Variants in RSPO1 observed in about 807,000 individuals in gnomAD.
RSPO1 encodes the protein R-spondin-1.
RSPO1 carries 18 observed loss-of-function variants against 26.0 expected under a neutral mutation model. The ratio of observed to expected loss-of-function variants is 0.69; its 90% CI spans 0.48 to 1.03. The LOEUF (loss-of-function observed/expected upper bound fraction) is 1.03, where lower values mean the gene tolerates loss of function less well. RSPO1 is among the 50% of genes least tolerant of loss of function. The pLI, the probability that RSPO1 is intolerant of heterozygous loss-of-function variation, is 0.00. For missense variants in RSPO1, 309 were observed against 352.3 expected, an observed-to-expected ratio of 0.88 and a Z score of 0.98; for synonymous variants, 133 against 137.4, an observed-to-expected ratio of 0.97 and a Z score of 0.22.
At chr1:37,633,740 G>A (rs903910016) in intron 1 of RSPO1, among the ~76,000 whole-genome samples, 2 of 152,146 alleles carry the variant, frequency 1.3e-5, no homozygotes, top group Non-Finnish European at 2.9e-5. Context: ...CAGGTGCTGG[G>A]GCCGTGCCCC....
intron 3 of RSPO1, among the ~76,000 whole-genome samples, chr1:37,621,948 C>T (rs1570110021): frequency 6.6e-6 from 1 of 152,008 alleles, no homozygotes. Flanking sequence ...ACTACGGTCA[C>T]ATGCCACCGT....
intron 3 of RSPO1, 47 bp from the exon 4 acceptor site, chr1:37,616,722 C>T (rs1644119035): frequency 6.6e-7 from 1 of 1,512,578 alleles, no homozygotes; most frequent in Non-Finnish European, 9.2e-7. Flanking sequence ...GAGAGAACCT[C>T]ACCTATCCAG....
chr1:37,621,054 G>C (rs554666117), intron 3 of RSPO1, among the ~76,000 whole-genome samples: 2 of 152,252 alleles, frequency 1.3e-5, no homozygotes, highest in African/African-American at 4.8e-5. Context: ...CAGATCTGCT[G>C]CCCACCTTCC....
chr1:37,633,472 G>C (rs1262861643), intron 1 of RSPO1, among the ~76,000 whole-genome samples: 1 of 152,196 alleles, frequency 6.6e-6, no homozygotes, highest in Non-Finnish European at 1.5e-5. Flanking sequence ...CCCCGGGAGG[G>C]GGCTGGAATC....
chr1:37,625,400 G>T (rs1035658555), intron 3 of RSPO1, among the ~76,000 whole-genome samples: 3 of 152,192 alleles, frequency 2.0e-5, no homozygotes, highest in African/African-American at 7.2e-5. Context: ...TAGGGACAGT[G>T]GTGGGTGGAG....
intron 3 of RSPO1, among the ~76,000 whole-genome samples, chr1:37,621,942 C>T (rs549470672): frequency 3.3e-5 from 5 of 152,036 alleles, no homozygotes; most frequent in South Asian, 2.1e-4. Context: ...GCTACAACTA[C>T]GGTCACATGC....
intron 2 of RSPO1, among the ~76,000 whole-genome samples, chr1:37,630,731 A>G (rs1384347699): frequency 6.6e-6 from 1 of 152,160 alleles, no homozygotes; most frequent in African/African-American, 2.4e-5. Context: ...CCAACCTGGG[A>G]GTGAGAATGA....
In RSPO1 at chr1:37,612,727, G is replaced by C. The variant is rs1337769119; in HGVS notation, c.*28C>G. 1 of 1,605,632 alleles carries C rather than the reference G, an allele frequency of 6.2e-7. No homozygotes were observed. Among genetic ancestry groups the C allele is most frequent in the East Asian group, 2.2e-5 (1 of 44,870 alleles). ...CGCAGAGTAGCACTGAACTCTTTCTGCATGGGCCTGGAGGCTGGACAGTGT... is the reference window on the plus strand; with the variant it reads ...CGCAGAGTAGCACTGAACTCTTTCTCCATGGGCCTGGAGGCTGGACAGTGT... On this transcript the variant is annotated 3_prime_UTR_variant, in exon 7 of 7. Coordinates refer to ENST00000356545, the MANE Select transcript of RSPO1 (RefSeq NM_001242908.2).
chr1:37,631,143 C>T (rs1289574492), intron 2 of RSPO1, among the ~76,000 whole-genome samples: 1 of 152,130 alleles, frequency 6.6e-6, no homozygotes, highest in African/African-American at 2.4e-5. Context: ...CCTCGCCTGT[C>T]AGGGAGGCCC....
At chr1:37,624,743 A>G (rs183014900) in intron 3 of RSPO1, among the ~76,000 whole-genome samples, 24 of 152,228 alleles carry the variant, frequency 1.6e-4, no homozygotes, top group African/African-American at 5.8e-4. Context: ...AATCTTTCTT[A>G]AACTAAAAAT....
chr1:37,623,169 G>T (rs943582285), intron 3 of RSPO1, among the ~76,000 whole-genome samples: 4 of 149,698 alleles, frequency 2.7e-5, no homozygotes, highest in African/African-American at 9.9e-5. Flanking sequence ...AAGGAAAGGG[G>T]TGTTTATCAA....
At chr1:37,622,086 A>G (rs1328605199) in intron 3 of RSPO1, among the ~76,000 whole-genome samples, 1 of 152,188 alleles carries the variant, frequency 6.6e-6, no homozygotes, top group Non-Finnish European at 1.5e-5. Context: ...GAAGGACGGA[A>G]AAGTCTTTAG....
chr1:37,616,502 C>T lies in RSPO1; in HGVS notation c.268G>A (p.Asp90Asn), dbSNP rs996524953. 11 of 1,614,022 alleles carry T rather than the reference C, an allele frequency of 6.8e-6. No individual in the cohort carries two copies. The highest frequency in any genetic ancestry group is 1.6e-4 in the Middle Eastern group (1 of 6,072). The change falls in exon 4 of 7, where the codon GAC becomes AAC. Residue 90 changes from aspartate to asparagine, a missense_variant. Transcript: ENST00000356545. Reference protein sequence around the residue: ...PPGYFDARNPDMNKCIKCKIE... With the variant: ...PPGYFDARNPNMNKCIKCKIE... Reference sequence around the variant, plus strand: ...CACTCACTGATGCACTTGTTCATGTCGGGGTTGCGGGCGTCGAAGTATCCA... The same window carrying T: ...CACTCACTGATGCACTTGTTCATGTTGGGGTTGCGGGCGTCGAAGTATCCA...
intron 4 of RSPO1, among the ~76,000 whole-genome samples, chr1:37,615,337 C>T (rs899981944): frequency 6.6e-6 from 1 of 152,168 alleles, no homozygotes. Flanking sequence ...TAGCAGCTAC[C>T]ATTCATTGAG....
At position 37,617,733 on chromosome 1, in the gene RSPO1, T is replaced by C. The variant is rs568184005; in HGVS notation, c.95-1058A>G. Among the ~76,000 whole-genome samples the C allele has an allele frequency of 9.6e-4, 142 of 148,552 alleles. 1 individual carries two copies. The highest frequency in any genetic ancestry group is 3.4e-3 in the African/African-American group (137 of 40,468). ...GGCTTCATGGTTTTCCATCCCAGCA[T>C]TGAGTCTCAAGATCTTTGATCTCAC... On this transcript the variant is annotated intron_variant, in intron 3 of 6. Coordinates refer to ENST00000356545, the MANE Select transcript of RSPO1 (RefSeq NM_001242908.2).
At position 37,613,624 on chromosome 1, in the gene RSPO1, G is replaced by A. The variant is rs1224358710; in HGVS notation, c.625+80C>T. 1 of 1,251,580 alleles carries A rather than the reference G, an allele frequency of 8.0e-7. No individual in the cohort carries two copies. The highest frequency in any genetic ancestry group is 2.4e-5 in the East Asian group (1 of 41,232). 77.5% of individuals were successfully genotyped at this position (1,251,580 alleles called of 1,614,324 possible). A position where few individuals can be genotyped will look rare whatever the true frequency, so the allele number is the denominator to read the frequency against. Reference sequence around the variant, plus strand: ...GCCCTGAAGCTTCTTCCTGAGCCGTGGGCAGGAAGCAGAGGTGGCAGGACC... The same window carrying A: ...GCCCTGAAGCTTCTTCCTGAGCCGTAGGCAGGAAGCAGAGGTGGCAGGACC... On this transcript the variant is annotated intron_variant, in intron 6 of 6. Coordinates refer to ENST00000356545, the MANE Select transcript of RSPO1 (RefSeq NM_001242908.2). This position sits in a 1 kb window ranked among gnomAD's most constrained non-coding sequence, Gnocchi z 4.5.
At chr1:37,615,248 C>T (rs1020430497) in intron 4 of RSPO1, among the ~76,000 whole-genome samples, 7 of 152,172 alleles carry the variant, frequency 4.6e-5, no homozygotes, top group African/African-American at 1.7e-4. Flanking sequence ...CACCTCTCTC[C>T]TTCCCTCCTT....
In RSPO1 at chr1:37,618,457, T is replaced by C. The variant is rs1034090821; in HGVS notation, c.95-1782A>G. 2.6e-5 allele frequency among the ~76,000 whole-genome samples: 4 copies of C among 152,276 alleles called. No individual in the cohort carries two copies. The East Asian group carries it at 5.8e-4, about 22-fold the overall frequency. On this transcript the variant is annotated intron_variant, in intron 3 of 6. Transcript: ENST00000356545. Reference sequence around the variant, plus strand: ...GACATCAGGGAACCATTAGAACATATTAAGCAGGGATGAGACCTGGCCCAA... The same window carrying C: ...GACATCAGGGAACCATTAGAACATACTAAGCAGGGATGAGACCTGGCCCAA...
chr1:37,612,410 G>A lies in RSPO1; in HGVS notation c.*345C>T, dbSNP rs1442097491. Reference sequence around the variant, plus strand: ...GCAGTTTGGTCTCAGATGCTGGGAAGTGTTGTCTCTGACATGTCCACTGGG... The same window carrying A: ...GCAGTTTGGTCTCAGATGCTGGGAAATGTTGTCTCTGACATGTCCACTGGG... On this transcript the variant is annotated 3_prime_UTR_variant, in exon 7 of 7. Coordinates refer to ENST00000356545, the MANE Select transcript of RSPO1 (RefSeq NM_001242908.2). The A allele has an allele frequency of 5.8e-6, 2 of 342,808 alleles. No homozygotes were observed. Among genetic ancestry groups the A allele is most frequent in the South Asian group, 3.5e-5 (1 of 28,740 alleles). 21.2% of individuals were successfully genotyped at this position (342,808 alleles called of 1,614,324 possible).
Sources: gnomAD v4.1 joint callset for allele counts (sites outside exome capture counted in the v4.1 genomes callset) on GRCh38, gnomAD v4.1.1 for gene constraint, Gnocchi (gnomAD v3.1) non-coding constraint, MANE v1.5 for transcripts, NCBI Gene and HGNC (gene_info 2026-07-23, HGNC 2026-07-21) for gene names.